Variants in KDR observed in about 807,000 individuals in gnomAD.
The protein encoded by KDR is vascular endothelial growth factor receptor 2.
A neutral mutation model predicts 160.9 loss-of-function variants in KDR; 43 were observed. The ratio of observed to expected loss-of-function variants is 0.27; its 90% CI spans 0.21 to 0.34. The LOEUF is 0.34. Among genes scored for constraint, KDR ranks in the 10% least tolerant of loss-of-function variants. The pLI is 1.00. For missense variants in KDR, 1,469 were observed against 1,666.4 expected (o/e 0.88, Z 2.06); for synonymous variants, 617 against 600.1 (o/e 1.03, Z -0.41).
rs146738218 is a variant in KDR at position 55,087,756 on chromosome 4, A to G, written c.3513T>C (p.Asp1171=). The change falls in exon 27 of 30, where the codon GAT becomes GAC. Residue 1171 remains aspartate (D), a splice_region_variant and synonymous_variant. Transcript: ENST00000263923. ...GNLLQANAQQ[D]GKDYIVLPIS... is the part of the protein sequence containing the mutation. ...TCGGAAGAACAATGTAGTCTTTGCC[A>G]TCCTGAAACAATAAACACAGAAGAC... The G allele has an allele frequency of 4.8e-5, 78 of 1,614,150 alleles. 1 individual carries two copies. In the African/African-American group the frequency reaches 8.0e-4, roughly 17 times the overall value.
At chr4:55,110,334 G>C in intron 9 of KDR, 69 bp downstream of exon 9, 2 of 1,518,882 alleles carry the variant, frequency 1.3e-6, no homozygotes, top group Admixed American at 3.3e-5. Context: ...AGGAACGGTG[G>C]TTTGGCTGAT....
intron 28 of KDR, 63 bp from the exon 29 acceptor site, chr4:55,082,104 T>A (rs866911692): frequency 1.8e-6 from 2 of 1,138,342 alleles, no homozygotes; most frequent in Non-Finnish European, 1.3e-6. Flanking sequence ...ACTATTTAAT[T>A]AAGCTGATTT....
rs774371518 is a variant in KDR at position 55,080,079 on chromosome 4, G to A, written c.3933C>T (p.Ser1311=). Residue 1311 remains serine, a synonymous_variant, in exon 30 of 30, where the codon TCC becomes TCT. Transcript: ENST00000263923. ...AGTACACGGTGGTGTCTGTGTCATC[G>A]GAGTGATATCCGGACTGGTAGCCGC... ...QTSGYQSGYH[S]DDTDTTVYSS... The A allele has an allele frequency of 5.3e-5, 85 of 1,614,142 alleles. 4 individuals are homozygous for A. In the South Asian group the frequency reaches 6.0e-4, roughly 11 times the overall value.
rs2110009188 is a variant in KDR, at chr4:55,087,607, C to T, written c.3662G>A (p.Ser1221Asn). The T allele has an allele frequency of 6.2e-7, 1 of 1,614,096 alleles. No homozygotes were observed. The highest frequency in any genetic ancestry group is 8.5e-7 in the Non-Finnish European group (1 of 1,179,966). ...GGGGATGTTAGGCCATATACAGTAC[C>T]TGATTCCTGCTGTGTTGTCATAATG... is the stretch of plus-strand genomic sequence containing the variant. ...KFHYDNTAGI[S>N]QYLQNSKRKS... The change falls in exon 27 of 30, where the codon AGT (serine) becomes AAT (asparagine). Residue 1221 changes from serine to asparagine, a missense_variant and splice_region_variant. Around this residue, in one of 7 missense-constraint regions of KDR, gnomAD observed 229 missense variants for 197.8 expected, o/e 1.16. Coordinates refer to ENST00000263923, the MANE Select transcript of KDR (RefSeq NM_002253.4).
chr4:55,093,310 A>C (rs914440654), intron 21 of KDR, among the ~76,000 whole-genome samples: 1 of 152,230 alleles, frequency 6.6e-6, no homozygotes, highest in Admixed American at 6.5e-5. Context: ...AAATTTACGT[A>C]AATTGGTGGT....
At chr4:55,093,924 G>T (rs796576978) in intron 21 of KDR, among the ~76,000 whole-genome samples, 1 of 152,164 alleles carries the variant, frequency 6.6e-6, no homozygotes, top group Admixed American at 6.5e-5. Flanking sequence ...CTCAGGCCAG[G>T]CACGGAGGCT....
intron 3 of KDR, 72 bp from the exon 4 acceptor site, chr4:55,115,483 T>G (rs1720712668): frequency 1.2e-6 from 1 of 827,138 alleles, no homozygotes; most frequent in Admixed American, 1.8e-5. Context: ...TTCAGGTTCC[T>G]AAACTCTAAC....
chr4:55,095,500 TA>T, intron 20 of KDR, 76 bp downstream of exon 20: 10 of 1,111,044 alleles, frequency 9.0e-6, no homozygotes, highest in Admixed American at 1.7e-5. Context: ...AAATTTCAAC[TA>T]AAAAACTAAC....
Position 55,095,586 on chromosome 4 carries a change from G to T in KDR, c.2808C>A (p.Val936=), listed in dbSNP as rs2110015967. 6.2e-7 allele frequency: 1 copy of T among 1,609,744 alleles called. No individual in the cohort carries two copies. Among genetic ancestry groups the T allele is most frequent in the South Asian group, 1.1e-5 (1 of 90,974 alleles). Residue 936 remains valine (V), a synonymous_variant, in exon 20 of 30, where the codon GTC becomes GTA. Coordinates refer to ENST00000263923, the MANE Select transcript of KDR (RefSeq NM_002253.4). ...TTAGGAGATGACATACCTTGTAGGG[G>T]ACAAATTCATTTCTCTTGCTCCTCA... ...TYLRSKRNEF[V]PYKTKGARFR... is the part of the protein sequence containing the mutation.
chr4:55,115,592 A>ATG (rs58765151), intron 3 of KDR, among the ~76,000 whole-genome samples, 181 bp from the exon 4 acceptor site: 10,072 of 151,060 alleles, frequency 0.067, 1,118 homozygotes, highest in African/African-American at 0.23. Context: ...GTGTGTGTGT[A>ATG]TGTGTGTGTG....
intron 6 of KDR, among the ~76,000 whole-genome samples, chr4:55,113,730 C>T (rs536778810): frequency 5.3e-4 from 80 of 152,258 alleles, no homozygotes; most frequent in African/African-American, 1.8e-3. Flanking sequence ...ACTGCAGAAA[C>T]ACAAGTAAAT....
At chr4:55,110,306 T>A in intron 9 of KDR, 97 bp downstream of exon 9, 8 of 1,279,340 alleles carry the variant, frequency 6.3e-6, no homozygotes, top group Admixed American at 1.7e-5. Context: ...ATGATATGAG[T>A]GAAGCAGCAG....
chr4:55,114,401 G>T, intron 5 of KDR, 136 bp from the exon 6 acceptor site: 1 of 872,260 alleles, frequency 1.1e-6, no homozygotes, highest in Non-Finnish European at 1.8e-6. Flanking sequence ...CCAATACTTG[G>T]TAGCTCCCAG....
At chr4:55,104,313 T>A (rs1720382700) in intron 13 of KDR, among the ~76,000 whole-genome samples, 1 of 152,128 alleles carries the variant, frequency 6.6e-6, no homozygotes, top group Non-Finnish European at 1.5e-5. Context: ...TTTCTGACAC[T>A]CTCCTAGCTC....
In KDR at chr4:55,098,742, C is replaced by G. The variant is rs1269556567; in HGVS notation, c.2328G>C (p.Met776Ile). The G allele has an allele frequency of 2.5e-5, 40 of 1,613,428 alleles. No individual in the cohort carries two copies. The highest frequency in any genetic ancestry group is 3.4e-5 in the Non-Finnish European group (40 of 1,179,520). Reference sequence around the variant, plus strand: ...TGATGACAAGAAGTAGCCAGAAGAACATGGCAATCACCGCCGTGCCTACTA... The same window carrying G: ...TGATGACAAGAAGTAGCCAGAAGAAGATGGCAATCACCGCCGTGCCTACTA... ...IILVGTAVIA[M>I]FFWLLLVIIL... The change falls in exon 16 of 30, where the codon ATG (methionine) becomes ATC (isoleucine). Residue 776 changes from methionine (M) to isoleucine (I), a missense_variant. Around this residue, in one of 7 missense-constraint regions of KDR, gnomAD observed 118 missense variants for 110.8 expected, o/e 1.06. Coordinates refer to ENST00000263923, the MANE Select transcript of KDR (RefSeq NM_002253.4).
chr4:55,105,761 A>G (rs951939781), intron 12 of KDR, 71 bp downstream of exon 12: 2 of 943,062 alleles, frequency 2.1e-6, no homozygotes, highest in East Asian at 2.4e-5. Context: ...GGCAAAAACA[A>G]CAGGGAATTA....
At chr4:55,124,832 C>G (rs1433059419) in intron 1 of KDR, among the ~76,000 whole-genome samples, 1 of 152,138 alleles carries the variant, frequency 6.6e-6, no homozygotes, top group Non-Finnish European at 1.5e-5. Flanking sequence ...TCCCCGGGCC[C>G]GGACTAGGAT....
chr4:55,111,535 C>G (rs1394550066), intron 7 of KDR, among the ~76,000 whole-genome samples: 1 of 152,172 alleles, frequency 6.6e-6, no homozygotes, highest in African/African-American at 2.4e-5. Context: ...CTCAACTACC[C>G]TTGTCTAAGC....
rs149305690 is a variant in KDR at position 55,105,947 on chromosome 4, G to A, written c.1537-7C>T. The A allele has an allele frequency of 5.0e-5, 79 of 1,590,298 alleles. No homozygotes were observed. Among genetic ancestry groups the A allele is most frequent in the Middle Eastern group, 1.7e-4 (1 of 5,940 alleles). ...TAACAAGGGTACTTACAGTCTGTGC[G>A]GGGAAAAAACAAATCCCAGGCCATA... On this transcript the variant is annotated splice_region_variant and splice_polypyrimidine_tract_variant and intron_variant, in intron 11 of 29. Transcript: ENST00000263923.
Sources: gnomAD v4.1 joint callset for allele counts (sites outside exome capture counted in the v4.1 genomes callset) on GRCh38, gnomAD v4.1.1 for gene constraint, gnomAD v4.1.1 regional missense constraint, MANE v1.5 for transcripts, NCBI Gene and HGNC (gene_info 2026-07-23, HGNC 2026-07-21) for gene names.